Variants in UBR3 observed in about 807,000 individuals in gnomAD.
The protein encoded by UBR3 is E3 ubiquitin-protein ligase UBR3.
In UBR3, 85 loss-of-function variants were observed where a neutral mutation model predicts 243.2. That is an observed-to-expected ratio of 0.35 (90% CI 0.29 to 0.42). The LOEUF (loss-of-function observed/expected upper bound fraction) is 0.42, where lower values mean the gene tolerates loss of function less well. UBR3 is among the 10% of genes least tolerant of loss of function. The pLI is 1.00. For synonymous variants in UBR3, 748 were observed against 799.8 expected, an observed-to-expected ratio of 0.94 and a Z score of 1.09; for missense variants, 1,686 against 2,300.8, an observed-to-expected ratio of 0.73 and a Z score of 5.47.
chr2:169,891,026 T>A (rs1300319794), intron 5 of UBR3, 139 bp from the exon 6 acceptor site: 9 of 475,434 alleles, frequency 1.9e-5, no homozygotes, highest in South Asian at 4.7e-5. Flanking sequence ...AAATATATAT[T>A]ATAGCAAATA....
chr2:170,059,371 A>G (rs1574464478), intron 33 of UBR3, among the ~76,000 whole-genome samples: 1 of 152,198 alleles, frequency 6.6e-6, no homozygotes, highest in East Asian at 1.9e-4. Flanking sequence ...AGAAAAGTAT[A>G]TTGAATTTAG....
intron 35 of UBR3, among the ~76,000 whole-genome samples, chr2:170,070,998 G>A (rs949717755): frequency 1.1e-4 from 16 of 152,048 alleles, no homozygotes; most frequent in Non-Finnish European, 2.9e-5. Context: ...ATATATGAAT[G>A]GCCAACAAGT....
intron 24 of UBR3, among the ~76,000 whole-genome samples, chr2:169,980,166 A>G (rs2088653285): frequency 6.6e-6 from 1 of 152,258 alleles, no homozygotes; most frequent in Non-Finnish European, 1.5e-5. Context: ...TGAACAATTA[A>G]GTAAATGAAT....
chr2:169,896,087 G>A (rs2084576579), intron 7 of UBR3, among the ~76,000 whole-genome samples: 2 of 152,108 alleles, frequency 1.3e-5, no homozygotes, highest in South Asian at 2.1e-4. Flanking sequence ...ACCAGAGGTC[G>A]GGAGTTTGAG....
intron 11 of UBR3, among the ~76,000 whole-genome samples, chr2:169,922,727 A>G (rs1397603611): frequency 6.6e-6 from 1 of 152,088 alleles, no homozygotes; most frequent in Non-Finnish European, 1.5e-5. Flanking sequence ...GGCTTATTTT[A>G]CTTAGCATAA....
At position 169,827,458 on chromosome 2, in the gene UBR3, T is replaced by G; in HGVS notation, c.-50T>G. 2 of 1,216,854 alleles carry G rather than the reference T, an allele frequency of 1.6e-6. No individual in the cohort carries two copies. Among genetic ancestry groups the G allele is most frequent in the Non-Finnish European group, 2.0e-6 (2 of 978,324 alleles). 75.4% of individuals were successfully genotyped at this position (1,216,854 alleles called of 1,614,324 possible). A position where few individuals can be genotyped will look rare whatever the true frequency, so the allele number is the denominator to read the frequency against. ...ATCGCAGCAGTCTATTCCCTCACTC[T>G]CCCTGGAGGAGCCGCTGGCCCTGGA... On this transcript the variant is annotated 5_prime_UTR_variant, in exon 1 of 39. Transcript: ENST00000272793.
intron 1 of UBR3, among the ~76,000 whole-genome samples, chr2:169,846,352 G>A (rs1331440718): frequency 6.6e-6 from 1 of 152,096 alleles, no homozygotes; most frequent in Middle Eastern, 3.2e-3. Context: ...TGTTTTGTCT[G>A]ATATTAATGT....
At chr2:169,869,660 C>G (rs565136693) in intron 1 of UBR3, among the ~76,000 whole-genome samples, 2 of 152,276 alleles carry the variant, frequency 1.3e-5, no homozygotes, top group African/African-American at 4.8e-5. Context: ...TCCCCTCAAG[C>G]TTTCCTCTAA....
chr2:169,888,400 A>G lies in UBR3; in HGVS notation c.1039-2765A>G, dbSNP rs185864524. Among the ~76,000 whole-genome samples the G allele has an allele frequency of 5.7e-3, 865 of 152,166 alleles. 2 individuals are homozygous for G. Among genetic ancestry groups the G allele is most frequent in the Non-Finnish European group, 9.9e-3 (670 of 68,010 alleles). On this transcript the variant is annotated intron_variant, in intron 5 of 38. Transcript: ENST00000272793. ...GTGATCCACCCACCTCAGCCTCCCAAAGTGCTGGGATTACAGGCGTGAGCC... is the reference window on the plus strand; with the variant it reads ...GTGATCCACCCACCTCAGCCTCCCAGAGTGCTGGGATTACAGGCGTGAGCC...
intron 11 of UBR3, among the ~76,000 whole-genome samples, chr2:169,918,488 AT>A (rs34312357): frequency 0.076 from 10,714 of 141,594 alleles, 374 homozygotes; most frequent in Middle Eastern, 0.087. Context: ...CAAGCAAATA[AT>A]TTTTTTTTTT....
chr2:169,974,550 C>A (rs984657276), intron 24 of UBR3, among the ~76,000 whole-genome samples: 4 of 152,042 alleles, frequency 2.6e-5, no homozygotes, highest in Admixed American at 2.0e-4. Context: ...AGTCTTTTCT[C>A]ATTTTTCCTT....
chr2:169,849,093 G>C (rs1246683845), intron 1 of UBR3, among the ~76,000 whole-genome samples: 1 of 152,192 alleles, frequency 6.6e-6, no homozygotes, highest in Non-Finnish European at 1.5e-5. Context: ...GCAAGCAACA[G>C]CCTGGGCTCC....
chr2:169,882,487 TC>T (rs2083928632), intron 5 of UBR3, among the ~76,000 whole-genome samples: 1 of 150,346 alleles, frequency 6.7e-6, no homozygotes, highest in Admixed American at 6.7e-5. Context: ...ATAACTGTAA[TC>T]CCAGCATTTT....
chr2:169,985,527 G>T (rs1479016372), intron 24 of UBR3, among the ~76,000 whole-genome samples: 2 of 151,906 alleles, frequency 1.3e-5, no homozygotes, highest in African/African-American at 4.8e-5. Flanking sequence ...CACCATGCCC[G>T]GCCTCATATC....
intron 33 of UBR3, among the ~76,000 whole-genome samples, chr2:170,059,159 A>G (rs1272636446): frequency 6.6e-6 from 1 of 152,124 alleles, no homozygotes; most frequent in African/African-American, 2.4e-5. Flanking sequence ...AATACTTTGT[A>G]TTGTGAAGAA....
Position 170,081,732 on chromosome 2 carries a change from C to A in UBR3, c.5556C>A (p.Gly1852=). 1 of 1,598,182 alleles carries A rather than the reference C, an allele frequency of 6.3e-7. No individual in the cohort carries two copies. Among genetic ancestry groups the A allele is most frequent in the Non-Finnish European group, 8.5e-7 (1 of 1,173,162 alleles). The part of the protein sequence containing the change: ...HGEEDRDLRR[G]KPLYICKERY... ...TTTTTTCTTTTTGTTCTAGGCGAGG[C>A]AAACCTCTCTACATTTGTAAGGAAA... Residue 1852 remains glycine (G), a synonymous_variant, in exon 39 of 39, where the codon GGC becomes GGA. Transcript: ENST00000272793.
intron 2 of UBR3, among the ~76,000 whole-genome samples, chr2:169,873,679 C>T (rs2105310818): frequency 6.6e-6 from 1 of 151,898 alleles, no homozygotes; most frequent in Admixed American, 6.6e-5. Flanking sequence ...CCCTGTGCCC[C>T]ACACCGCCCC....
chr2:169,918,415 A>G (rs183276062), intron 11 of UBR3, among the ~76,000 whole-genome samples: 104 of 151,786 alleles, frequency 6.9e-4, no homozygotes, highest in African/African-American at 2.4e-3. Context: ...TGTGATAAAC[A>G]TTAGTTCTTC....
chr2:170,046,771 G>T (rs1031704526), intron 32 of UBR3, among the ~76,000 whole-genome samples: 2 of 151,748 alleles, frequency 1.3e-5, no homozygotes, highest in Non-Finnish European at 2.9e-5. Context: ...GGAAAGGCAG[G>T]TTAAATGCTT....
Sources: allele counts gnomAD v4.1 joint callset (sites outside exome capture counted in the v4.1 genomes callset), GRCh38; gene constraint gnomAD v4.1.1; transcripts MANE v1.5; gene names NCBI Gene and HGNC (gene_info 2026-07-23, HGNC 2026-07-21).